The following KCTD20 variants were observed in gnomAD, a reference collection of about 807,000 sequenced individuals.
KCTD20 encodes BTB/POZ domain-containing protein KCTD20.
KCTD20 carries 30 observed loss-of-function variants against 39.6 expected under a neutral mutation model. That is an observed-to-expected ratio of 0.76 (90% confidence interval 0.57 to 1.03). KCTD20 has a LOEUF of 1.03. KCTD20 is among the 50% of genes least tolerant of loss of function. The pLI is 0.00. For synonymous variants in KCTD20, 162 were observed against 180.6 expected (o/e 0.90, Z 0.83); for missense variants, 422 against 522.0 (o/e 0.81, Z 1.87).
chr6:36,481,327 G>A (rs1168961092), intron 5 of KCTD20, among the ~76,000 whole-genome samples: 1 of 152,022 alleles, frequency 6.6e-6, no homozygotes, highest in Non-Finnish European at 1.5e-5. Context: ...ACAAAACCTC[G>A]ATCAGAATGC....
chr6:36,449,483 G>T (rs529138589), intron 1 of KCTD20, among the ~76,000 whole-genome samples: 1 of 152,132 alleles, frequency 6.6e-6, no homozygotes, highest in African/African-American at 2.4e-5. Flanking sequence ...GCTGATTGGT[G>T]TGTTTTTACA....
chr6:36,489,075 G>A lies in KCTD20; in HGVS notation c.*1900G>A, dbSNP rs369461736. 2.0e-5 allele frequency: 3 copies of A among 152,732 alleles called. No individual in the cohort carries two copies. In the East Asian group the frequency reaches 5.8e-4, roughly 29 times the overall value. 9.5% of individuals were successfully genotyped at this position (152,732 alleles called of 1,614,324 possible). On this transcript the variant is annotated 3_prime_UTR_variant, in exon 8 of 8. Coordinates refer to ENST00000373731, the MANE Select transcript of KCTD20 (RefSeq NM_173562.5). ...ACCAGTACATTTATACCCACTACCA[G>A]TTGACTAGCCCAGATAATTGTTAAA...
chr6:36,477,832 G>A (rs920590998), intron 3 of KCTD20, among the ~76,000 whole-genome samples: 3 of 149,026 alleles, frequency 2.0e-5, no homozygotes, highest in African/African-American at 7.3e-5. Context: ...TTCGCCGGGC[G>A]CGGTGGCTCA....
In KCTD20 at chr6:36,488,095, G is replaced by C. The variant is rs1464574476; in HGVS notation, c.*920G>C. ...CTTACAATTGCTCAGTTTCTCAACA[G>C]AAAGACTCATAAGAGTGCCAGCATG... On this transcript the variant is annotated 3_prime_UTR_variant, in exon 8 of 8. Coordinates refer to ENST00000373731, the MANE Select transcript of KCTD20 (RefSeq NM_173562.5). The C allele has an allele frequency of 6.6e-6, 1 of 152,256 alleles. No homozygotes were observed. Among genetic ancestry groups the C allele is most frequent in the African/African-American group, 2.4e-5 (1 of 41,456 alleles). The allele number at this position is 152,256 out of a possible 1,614,324, so 9.4% of individuals were successfully genotyped here.
chr6:36,484,926 C>T (rs1776371636), intron 7 of KCTD20, 102 bp downstream of exon 7: 3 of 626,118 alleles, frequency 4.8e-6, no homozygotes, highest in Admixed American at 2.7e-5. Context: ...AATAGGCATA[C>T]ATGAAAACCA....
intron 1 of KCTD20, among the ~76,000 whole-genome samples, chr6:36,457,106 T>A (rs1417309335): frequency 2.0e-5 from 3 of 152,110 alleles, no homozygotes; most frequent in African/African-American, 7.2e-5. Flanking sequence ...CCTAATTTTT[T>A]ATTTTTTGGA....
intron 1 of KCTD20, chr6:36,451,204 C>T (rs1775243331): frequency 1.3e-5 from 2 of 152,206 alleles, no homozygotes; most frequent in African/African-American, 4.8e-5. Flanking sequence ...GCCATGGAAC[C>T]TAGTTACAAG....
chr6:36,453,520 T>G lies in KCTD20; in HGVS notation c.-47+10409T>G, dbSNP rs180940263. 6.4e-4 allele frequency among the ~76,000 whole-genome samples: 96 copies of G among 151,178 alleles called. 2 individuals carry two copies. In the East Asian group the frequency reaches 0.016, roughly 26 times the overall value. Reference sequence around the variant, plus strand: ...CTTTTCTAATGTTTTGTTTTTTGTTTTTTTTTTTTTTGAGACGGAGTTTTG... The same window carrying G: ...CTTTTCTAATGTTTTGTTTTTTGTTGTTTTTTTTTTTGAGACGGAGTTTTG... On this transcript the variant is annotated intron_variant, in intron 1 of 7. Coordinates refer to ENST00000373731, the MANE Select transcript of KCTD20 (RefSeq NM_173562.5).
At chr6:36,467,119 C>G (rs1008648993) in intron 1 of KCTD20, among the ~76,000 whole-genome samples, 1 of 151,394 alleles carries the variant, frequency 6.6e-6, no homozygotes, top group Non-Finnish European at 1.5e-5. Flanking sequence ...ACCAGCCTGG[C>G]CAACATGGTG....
chr6:36,474,415 C>A (rs1053125972), intron 2 of KCTD20, among the ~76,000 whole-genome samples: 1 of 152,114 alleles, frequency 6.6e-6, no homozygotes, highest in African/African-American at 2.4e-5. Context: ...TGCCTCTGAA[C>A]CAACACCAGG....
At chr6:36,482,469 G>A (rs1776279819) in intron 6 of KCTD20, among the ~76,000 whole-genome samples, 1 of 152,088 alleles carries the variant, frequency 6.6e-6, no homozygotes, top group Non-Finnish European at 1.5e-5. Context: ...AGGAGAATCA[G>A]GTGAACCTGG....
chr6:36,448,783 G>C (rs919809360), intron 1 of KCTD20, among the ~76,000 whole-genome samples: 6 of 152,178 alleles, frequency 3.9e-5, no homozygotes, highest in African/African-American at 1.4e-4. Context: ...CTCGCGGTGA[G>C]TGTTACAATT....
At chr6:36,447,447 G>C (rs549280565) in intron 1 of KCTD20, among the ~76,000 whole-genome samples, 144 of 152,118 alleles carry the variant, frequency 9.5e-4, no homozygotes, top group Non-Finnish European at 1.6e-3. Flanking sequence ...GGCCAACATG[G>C]TGAAACCCCC....
Position 36,489,886 on chromosome 6 carries a change from T to TG in KCTD20, c.*2713dup, listed in dbSNP as rs1180202038. Reference sequence around the variant, plus strand: ...GAGGAAACATTTGCCACTGAGGAGTTGGAGGGAGGGCAAGACGACAGTGTT... The same window carrying TG: ...GAGGAAACATTTGCCACTGAGGAGTTGGGAGGGAGGGCAAGACGACAGTGTT... On this transcript the variant is annotated 3_prime_UTR_variant, in exon 8 of 8. Transcript: ENST00000373731. The TG allele has an allele frequency of 6.6e-6, 1 of 152,132 alleles. No individual in the cohort carries two copies. The highest frequency in any genetic ancestry group is 1.5e-5 in the Non-Finnish European group (1 of 68,024). 9.4% of individuals were successfully genotyped at this position (152,132 alleles called of 1,614,324 possible).
chr6:36,476,724 G>A (rs531493394), intron 3 of KCTD20, among the ~76,000 whole-genome samples: 3 of 152,016 alleles, frequency 2.0e-5, no homozygotes, highest in Non-Finnish European at 4.4e-5. Context: ...CACTGTGCCT[G>A]GCCACAGCGA....
chr6:36,480,566 T>C (rs1022010608), intron 5 of KCTD20, among the ~76,000 whole-genome samples: 1 of 152,022 alleles, frequency 6.6e-6, no homozygotes, highest in East Asian at 1.9e-4. Flanking sequence ...CTTATTATTA[T>C]TGTTTTGTTT....
At position 36,480,647 on chromosome 6, in the gene KCTD20, C is replaced by T. The variant is rs536044878; in HGVS notation, c.659-915C>T. Among the ~76,000 whole-genome samples, 13 of 152,060 alleles carry T rather than the reference C, an allele frequency of 8.5e-5. No individual in the cohort carries two copies. The East Asian group carries it at 1.4e-3, about 16-fold the overall frequency. On this transcript the variant is annotated intron_variant, in intron 5 of 7. Transcript: ENST00000373731. Reference sequence around the variant, plus strand: ...CACAATCTCAGCTCACTGCAGCCTCCGCCTCCTGGATTCAAGCAATTCTCC... The same window carrying T: ...CACAATCTCAGCTCACTGCAGCCTCTGCCTCCTGGATTCAAGCAATTCTCC...
In KCTD20 at chr6:36,454,978, C is replaced by T. The variant is rs114226076; in HGVS notation, c.-47+11867C>T. 3.9e-3 allele frequency among the ~76,000 whole-genome samples: 595 copies of T among 152,136 alleles called. 5 individuals carry two copies. The highest frequency in any genetic ancestry group is 0.013 in the African/African-American group (543 of 41,522). On this transcript the variant is annotated intron_variant, in intron 1 of 7. Coordinates refer to ENST00000373731, the MANE Select transcript of KCTD20 (RefSeq NM_173562.5). ...TATGGCTCTTTACCAGAAAAGTTTGCCACCCATTCTACAGTGTTACTTTTA... is the reference window on the plus strand; with the variant it reads ...TATGGCTCTTTACCAGAAAAGTTTGTCACCCATTCTACAGTGTTACTTTTA...
chr6:36,477,511 C>T (rs12525802), intron 3 of KCTD20, among the ~76,000 whole-genome samples: 16,581 of 143,726 alleles, frequency 0.12, 1,132 homozygotes, highest in Admixed American at 0.22. Flanking sequence ...GACGGAGTCT[C>T]GCTCTGTCGC....
Sources: gnomAD v4.1 joint callset for allele counts (sites outside exome capture counted in the v4.1 genomes callset) on GRCh38, gnomAD v4.1.1 for gene constraint, MANE v1.5 for transcripts, NCBI Gene and HGNC (gene_info 2026-07-23, HGNC 2026-07-21) for gene names.